DDI1: variants seen among roughly 807,000 people sequenced by gnomAD.
DDI1 encodes DDI proteasomal shuttling factor 1, also known as protein DDI1 homolog 1.
A neutral mutation model predicts 7.2 loss-of-function variants in DDI1; 6 were observed. The ratio of observed to expected loss-of-function variants is 0.83; its 90% CI spans 0.46 to 1.64. The LOEUF (loss-of-function observed/expected upper bound fraction) is 1.64, where lower values mean the gene tolerates loss of function less well. Ranked by LOEUF, DDI1 falls within the 40% of genes most tolerant of loss-of-function variation. The pLI, the probability that DDI1 is intolerant of heterozygous loss-of-function variation, is 0.01. For missense variants in DDI1, 502 were observed against 516.6 expected (o/e 0.97, Z 0.27); for synonymous variants, 221 against 201.7 (o/e 1.10, Z -0.81).
In DDI1 at chr11:104,037,709, A is replaced by G. The variant is rs200326028; in HGVS notation, c.887A>G (p.Gln296Arg). 2.7e-4 allele frequency: 432 copies of G among 1,614,032 alleles called. No individual in the cohort carries two copies. Among genetic ancestry groups the G allele is most frequent in the Non-Finnish European group, 3.4e-4 (407 of 1,180,040 alleles). Residue 296 changes from glutamine (Q) to arginine (R), a missense_variant, in exon 1 of 1, where the codon CAG (glutamine) becomes CGG (arginine). Gln to Arg is a conservative substitution (Grantham distance 43, BLOSUM62 1). Transcript: ENST00000302259. ...GGGGTTGCTAAAGGAGTGGGCACACAGAGAATTATTGGCCGTGTTCATCTA... is the reference window on the plus strand; with the variant it reads ...GGGGTTGCTAAAGGAGTGGGCACACGGAGAATTATTGGCCGTGTTCATCTA... ...WAGVAKGVGT[Q>R]RIIGRVHLAQ...
In DDI1 at chr11:104,037,629, C is replaced by T. The variant is rs1319511111; in HGVS notation, c.807C>T (p.Ser269=). The part of the protein sequence containing the change: ...VDSGAQMTIM[S]QACAERCNIM... ...CGGGCGCCCAGATGACCATTATGAGCCAGGCTTGTGCCGAGCGATGTAACA... is the reference window on the plus strand; with the variant it reads ...CGGGCGCCCAGATGACCATTATGAGTCAGGCTTGTGCCGAGCGATGTAACA... The change falls in exon 1 of 1, where the codon AGC becomes AGT. Residue 269 remains serine (S), a synonymous_variant. Transcript: ENST00000302259. 5 of 1,613,940 alleles carry T rather than the reference C, an allele frequency of 3.1e-6. No homozygotes were observed. In the African/African-American group the frequency reaches 6.7e-5, roughly 22 times the overall value.
Position 104,037,148 on chromosome 11 carries a change from C to G in DDI1, c.326C>G (p.Pro109Arg). 1 of 1,613,788 alleles carries G rather than the reference C, an allele frequency of 6.2e-7. No individual in the cohort carries two copies. The highest frequency in any genetic ancestry group is 2.2e-5 in the East Asian group (1 of 44,860). ...IAVPGTSSSR[P>R]QHPGQQQQRT... ...GTGCCTGGGACGTCCAGCTCCCGTC[C>G]ACAGCACCCTGGACAGCAGCAGCAG... is the stretch of plus-strand genomic sequence containing the variant. The change falls in exon 1 of 1, where the codon CCA (proline) becomes CGA (arginine). Residue 109 changes from proline (P) to arginine (R), a missense_variant. Pro to Arg is a moderately radical substitution (Grantham distance 103). Transcript: ENST00000302259.
At position 104,037,345 on chromosome 11, in the gene DDI1, AG is replaced by A; in HGVS notation, c.524del (p.Ser175ThrfsTer9). Reference protein sequence around the residue: ...PPLAEALLSGSLETFSQVLME... With the variant: ...PPLAEALLSGXLETFSQVLME... ...CTTGGCGGAAGCCCTGCTCAGCGGA[AG>A]CCTTGAGACCTTTTCTCAGGTGCTG... is the stretch of plus-strand genomic sequence containing the variant. On this transcript the variant is annotated frameshift_variant, in exon 1 of 1. Coordinates refer to ENST00000302259, the MANE Select transcript of DDI1 (RefSeq NM_001001711.3). LOFTEE classifies it high-confidence loss of function. The A allele has an allele frequency of 6.2e-7, 1 of 1,614,106 alleles. No individual in the cohort carries two copies. Among genetic ancestry groups the A allele is most frequent in the Non-Finnish European group, 8.5e-7 (1 of 1,179,990 alleles).
At position 104,037,394 on chromosome 11, in the gene DDI1, C is replaced by T. The variant is rs925239904; in HGVS notation, c.572C>T (p.Ala191Val). The change falls in exon 1 of 1, where the codon GCC becomes GTC. Residue 191 changes from alanine (A) to valine (V), a missense_variant. Ala to Val is a moderately conservative substitution (Grantham distance 64, BLOSUM62 0). Transcript: ENST00000302259. ...CTGATGGAGCAGCAAAGGGAAAAGG[C>T]CTTGAGAGAGCAAGAGAGGCTTCGT... ...QVLMEQQREK[A>V]LREQERLRLY... The T allele has an allele frequency of 2.5e-6, 4 of 1,613,982 alleles. No homozygotes were observed. The highest frequency in any genetic ancestry group is 1.7e-5 in the Admixed American group (1 of 60,004).
chr11:104,036,922 T>G lies in DDI1; in HGVS notation c.100T>G (p.Cys34Gly). Residue 34 changes from cysteine to glycine, a missense_variant, in exon 1 of 1, where the codon TGC (cysteine) becomes GGC (glycine). Cys to Gly is a radical substitution (Grantham distance 159). Coordinates refer to ENST00000302259, the MANE Select transcript of DDI1 (RefSeq NM_001001711.3). ...DFELRNFKVL[C>G]EAESRVPVEE... is the part of the protein sequence containing the mutation. ...TGAGCTCCGAAACTTCAAGGTCCTC[T>G]GCGAAGCGGAGTCCAGAGTCCCCGT... The G allele has an allele frequency of 1.2e-6, 2 of 1,614,192 alleles. No individual in the cohort carries two copies. The highest frequency in any genetic ancestry group is 1.7e-6 in the Non-Finnish European group (2 of 1,180,024).
In DDI1 at chr11:104,037,225, G is replaced by GC. The variant is rs768424667; in HGVS notation, c.405dup (p.Gly136ArgfsTer42). The stretch of plus-strand genomic sequence containing the variant: ...GGGCTTGGCGTCAGGAGAGAAGGTG[G>GC]CCGGCCTGCAAGGTCTGGGCAGCCC... On this transcript the variant is annotated frameshift_variant, in exon 1 of 1. Transcript: ENST00000302259. LOFTEE classifies it low-confidence loss of function (END_TRUNC). 7 of 1,613,698 alleles carry GC rather than the reference G, an allele frequency of 4.3e-6. No individual in the cohort carries two copies. The Admixed American group carries it at 1.0e-4, about 23-fold the overall frequency.
At position 104,036,890 on chromosome 11, in the gene DDI1, C is replaced by G. The variant is rs1321760106; in HGVS notation, c.68C>G (p.Pro23Arg). ...GTCACCTTCTCTCTCCAGGTCAGCC[C>G]CGACTTTGAGCTCCGAAACTTCAAG... ...SEVTFSLQVS[P>R]DFELRNFKVL... is the part of the protein sequence containing the mutation. Residue 23 changes from proline (P) to arginine (R), a missense_variant, in exon 1 of 1, where the codon CCC becomes CGC. Pro to Arg is a moderately radical substitution (Grantham distance 103). Transcript: ENST00000302259. 4.3e-6 allele frequency: 7 copies of G among 1,614,032 alleles called. No individual in the cohort carries two copies. The highest frequency in any genetic ancestry group is 5.9e-6 in the Non-Finnish European group (7 of 1,180,036).
chr11:104,036,765 C>A lies in DDI1; in HGVS notation c.-58C>A. 2 of 1,419,750 alleles carry A rather than the reference C, an allele frequency of 1.4e-6. No homozygotes were observed. Among genetic ancestry groups the A allele is most frequent in the African/African-American group, 1.4e-5 (1 of 70,742 alleles). The allele number at this position is 1,419,750 out of a possible 1,614,324, so 87.9% of individuals were successfully genotyped here. ...CGGCACCAACGACGCAGGCCCGCCC[C>A]AGCCCGCCAGTGAGCCGCCCATGCC... On this transcript the variant is annotated 5_prime_UTR_variant, in exon 1 of 1. Coordinates refer to ENST00000302259, the MANE Select transcript of DDI1 (RefSeq NM_001001711.3).
At position 104,037,008 on chromosome 11, in the gene DDI1, C is replaced by T; in HGVS notation, c.186C>T (p.Gly62=). 4 of 1,614,238 alleles carry T rather than the reference C, an allele frequency of 2.5e-6. No individual in the cohort carries two copies. Among genetic ancestry groups the T allele is most frequent in the Non-Finnish European group, 3.4e-6 (4 of 1,180,040 alleles). ...RLLIEDHCSL[G]SYGLKDGDIV... ...TCATCGAGGACCACTGTTCCCTGGGCTCCTACGGCCTCAAAGATGGCGATA... is the reference window on the plus strand; with the variant it reads ...TCATCGAGGACCACTGTTCCCTGGGTTCCTACGGCCTCAAAGATGGCGATA... The change falls in exon 1 of 1, where the codon GGC becomes GGT. Residue 62 remains glycine (G), a synonymous_variant. Coordinates refer to ENST00000302259, the MANE Select transcript of DDI1 (RefSeq NM_001001711.3).
Position 104,039,123 on chromosome 11 carries a change from C to T in DDI1, c.*1110C>T, listed in dbSNP as rs1307207989. 6.0e-6 allele frequency: 1 copy of T among 166,960 alleles called. No individual in the cohort carries two copies. Among genetic ancestry groups the T allele is most frequent in the East Asian group, 1.9e-4 (1 of 5,198 alleles). 10.3% of individuals were successfully genotyped at this position (166,960 alleles called of 1,614,324 possible). A position where few individuals can be genotyped will look rare whatever the true frequency, so the allele number is the denominator to read the frequency against. ...GAGAAAAGTTTCAGCTTCCTGAGGC[C>T]ATCAGATGCAGGGGAAATGTTTCAG... On this transcript the variant is annotated 3_prime_UTR_variant, in exon 1 of 1. Coordinates refer to ENST00000302259, the MANE Select transcript of DDI1 (RefSeq NM_001001711.3).
Position 104,037,226 on chromosome 11 carries a change from C to T in DDI1, c.404C>T (p.Ala135Val). 1 of 1,613,674 alleles carries T rather than the reference C, an allele frequency of 6.2e-7. No individual in the cohort carries two copies. Among genetic ancestry groups the T allele is most frequent in the South Asian group, 1.1e-5 (1 of 91,076 alleles). The change falls in exon 1 of 1, where the codon GCC becomes GTC. Residue 135 changes from alanine to valine, a missense_variant. Physicochemically the swap from Ala to Val is moderately conservative, Grantham distance 64. Transcript: ENST00000302259. ...SQGLASGEKV[A>V]GLQGLGSPAL... is the part of the protein sequence containing the mutation. ...GGCTTGGCGTCAGGAGAGAAGGTGG[C>T]CGGCCTGCAAGGTCTGGGCAGCCCC...
Position 104,037,339 on chromosome 11 carries a change from A to C in DDI1, c.517A>C (p.Ser173Arg). 1 of 1,614,102 alleles carries C rather than the reference A, an allele frequency of 6.2e-7. No individual in the cohort carries two copies. The highest frequency in any genetic ancestry group is 1.3e-5 in the African/African-American group (1 of 75,076). ...RNPPLAEALL[S>R]GSLETFSQVL... ...CCCTCCCTTGGCGGAAGCCCTGCTC[A>C]GCGGAAGCCTTGAGACCTTTTCTCA... The change falls in exon 1 of 1, where the codon AGC becomes CGC. Residue 173 changes from serine (S) to arginine (R), a missense_variant. Transcript: ENST00000302259.
rs138287051 is a variant in DDI1, at chr11:104,037,193, G to A, written c.371G>A (p.Arg124Gln). 6 of 1,613,684 alleles carry A rather than the reference G, an allele frequency of 3.7e-6. No homozygotes were observed. In the African/African-American group the frequency reaches 4.0e-5, roughly 11 times the overall value. The change falls in exon 1 of 1, where the codon CGG (arginine) becomes CAG (glutamine). Residue 124 changes from arginine (R) to glutamine (Q), a missense_variant. Transcript: ENST00000302259. ...QQQQRTPAAQ[R>Q]SQGLASGEKV... ...CAGCAGCGCACACCCGCTGCCCAGC[G>A]GTCACAGGGCTTGGCGTCAGGAGAG...
rs1591132159 is a variant in DDI1, at chr11:104,036,752, C to T, written c.-71C>T. 9 of 1,269,512 alleles carry T rather than the reference C, an allele frequency of 7.1e-6. No individual in the cohort carries two copies. The East Asian group carries it at 1.2e-4, about 16-fold the overall frequency. The allele number at this position is 1,269,512 out of a possible 1,614,324, so 78.6% of individuals were successfully genotyped here. On this transcript the variant is annotated 5_prime_UTR_variant, in exon 1 of 1. In the 5' UTR this introduces an upstream ATG that the reference lacks. Transcript: ENST00000302259. ...TCCTGAGGAGCAGCGGCACCAACGA[C>T]GCAGGCCCGCCCCAGCCCGCCAGTG...
Position 104,037,441 on chromosome 11 carries a change from G to A in DDI1, c.619G>A (p.Asp207Asn). Residue 207 changes from aspartate to asparagine, a missense_variant, in exon 1 of 1, where the codon GAT (aspartate) becomes AAT (asparagine). By Grantham distance (23) the Asp-to-Asn change is conservative. Coordinates refer to ENST00000302259, the MANE Select transcript of DDI1 (RefSeq NM_001001711.3). ...TCGTCTCTACACAGCCGACCCACTG[G>A]ATCGGGAAGCTCAGGCCAAAATAGA... is the stretch of plus-strand genomic sequence containing the variant. ...RLRLYTADPL[D>N]REAQAKIEEE... 1.2e-6 allele frequency: 2 copies of A among 1,614,128 alleles called. No individual in the cohort carries two copies. The highest frequency in any genetic ancestry group is 1.7e-6 in the Non-Finnish European group (2 of 1,180,040).
chr11:104,037,547 C>T lies in DDI1; in HGVS notation c.725C>T (p.Thr242Met), dbSNP rs115980066. The T allele has an allele frequency of 1.2e-5, 19 of 1,613,952 alleles. No homozygotes were observed. The highest frequency in any genetic ancestry group is 2.2e-5 in the East Asian group (1 of 44,862). ...GCCCCCGAGAGTTTTGGACAAGTGA[C>T]GATGCTCTACATTAACTGCAAAGTG... is the stretch of plus-strand genomic sequence containing the variant. ...EEAPESFGQV[T>M]MLYINCKVNG... The change falls in exon 1 of 1, where the codon ACG becomes ATG. Residue 242 changes from threonine to methionine, a missense_variant. By Grantham distance (81) the Thr-to-Met change is moderately conservative. Coordinates refer to ENST00000302259, the MANE Select transcript of DDI1 (RefSeq NM_001001711.3).
Position 104,037,414 on chromosome 11 carries a change from C to A in DDI1, c.592C>A (p.Leu198Ile), listed in dbSNP as rs770076972. ...REKALREQER[L>I]RLYTADPLDR... Reference sequence around the variant, plus strand: ...AAAGGCCTTGAGAGAGCAAGAGAGGCTTCGTCTCTACACAGCCGACCCACT... The same window carrying A: ...AAAGGCCTTGAGAGAGCAAGAGAGGATTCGTCTCTACACAGCCGACCCACT... The change falls in exon 1 of 1, where the codon CTT becomes ATT. Residue 198 changes from leucine (L) to isoleucine (I), a missense_variant. Leu to Ile is a conservative substitution (Grantham distance 5). Transcript: ENST00000302259. 4 of 1,613,998 alleles carry A rather than the reference C, an allele frequency of 2.5e-6. No homozygotes were observed. The highest frequency in any genetic ancestry group is 3.4e-6 in the Non-Finnish European group (4 of 1,180,052).
Position 104,037,483 on chromosome 11 carries a change from C to T in DDI1, c.661C>T (p.Gln221Ter), listed in dbSNP as rs148823827. Residue 221 changes from glutamine to a stop codon, truncating the protein, a stop_gained, in exon 1 of 1, where the codon CAA becomes TAA. Coordinates refer to ENST00000302259, the MANE Select transcript of DDI1 (RefSeq NM_001001711.3). LOFTEE classifies it high-confidence loss of function. ...CAAAATAGAAGAGGAAATCCGGCAG[C>T]AAAACATTGAAGAAAACATGAATAT... ...QAKIEEEIRQQNIEENMNIAI... is the reference protein window; with the variant it reads ...QAKIEEEIRQ The T allele has an allele frequency of 5.0e-6, 8 of 1,613,974 alleles. No homozygotes were observed. The highest frequency in any genetic ancestry group is 1.3e-5 in the African/African-American group (1 of 74,936).
At position 104,036,760 on chromosome 11, in the gene DDI1, C is replaced by A; in HGVS notation, c.-63C>A. The A allele has an allele frequency of 7.3e-7, 1 of 1,365,686 alleles. No individual in the cohort carries two copies. 84.6% of individuals were successfully genotyped at this position (1,365,686 alleles called of 1,614,324 possible). On this transcript the variant is annotated 5_prime_UTR_variant, in exon 1 of 1. Transcript: ENST00000302259. ...AGCAGCGGCACCAACGACGCAGGCCCGCCCCAGCCCGCCAGTGAGCCGCCC... is the reference window on the plus strand; with the variant it reads ...AGCAGCGGCACCAACGACGCAGGCCAGCCCCAGCCCGCCAGTGAGCCGCCC...
Sources: allele counts gnomAD v4.1 joint callset, GRCh38; gene constraint gnomAD v4.1.1; transcripts MANE v1.5; gene names NCBI Gene and HGNC (gene_info 2026-07-23, HGNC 2026-07-21).